NFKB1: variants seen among roughly 807,000 people sequenced by gnomAD.
The protein encoded by NFKB1 is nuclear factor NF-kappa-B p105 subunit.
In NFKB1, 9 loss-of-function variants were observed where a neutral mutation model predicts 105.1. The observed-to-expected ratio is 0.09, with a 90% CI of 0.05 to 0.15. The LOEUF is 0.15. NFKB1 is among the 10% of genes least tolerant of loss of function. The probability of loss-of-function intolerance (pLI) is 1.00; values close to 1 mark genes in which losing one functional copy is unlikely to be tolerated. For missense variants in NFKB1, 830 were observed against 1,203.7 expected, an observed-to-expected ratio of 0.69 and a Z score of 4.59; for synonymous variants, 440 against 442.2, an observed-to-expected ratio of 1.00 and a Z score of 0.06.
At chr4:102,541,088 G>A (rs1560655482) in intron 5 of NFKB1, among the ~76,000 whole-genome samples, 1 of 152,064 alleles carries the variant, frequency 6.6e-6, no homozygotes, top group African/African-American at 2.4e-5. Flanking sequence ...CTGTGTTGTG[G>A]GAGGCTGTCT....
intron 1 of NFKB1, among the ~76,000 whole-genome samples, chr4:102,517,249 C>T (rs1177737325): frequency 2.0e-5 from 3 of 152,146 alleles, no homozygotes; most frequent in African/African-American, 7.2e-5. Context: ...AAAGTGAGGG[C>T]GAATTTAGAA....
At chr4:102,613,623 C>G (rs1728655760) in intron 23 of NFKB1, 42 bp downstream of exon 23, 2 of 1,586,824 alleles carry the variant, frequency 1.3e-6, no homozygotes, top group Non-Finnish European at 1.7e-6. Flanking sequence ...TTTTCCAGCT[C>G]CCCCAGGCTG....
intron 6 of NFKB1, among the ~76,000 whole-genome samples, chr4:102,571,321 C>T (rs1188019444): frequency 1.3e-5 from 2 of 152,136 alleles, no homozygotes; most frequent in Admixed American, 1.3e-4. Flanking sequence ...ACACCTTATA[C>T]AAAAATTAAT....
chr4:102,591,411 C>A lies in NFKB1; in HGVS notation c.1067-2014C>A, dbSNP rs867596766. Among the ~76,000 whole-genome samples the A allele has an allele frequency of 6.1e-4, 81 of 132,474 alleles. 1 individual carries two copies. The Middle Eastern group carries it at 0.032, about 52-fold the overall frequency. 86.9% of individuals were successfully genotyped at this position (132,474 alleles called of 152,430 possible). A position where few individuals can be genotyped will look rare whatever the true frequency, so the allele number is the denominator to read the frequency against. On this transcript the variant is annotated intron_variant, in intron 11 of 23. Coordinates refer to ENST00000226574, the MANE Select transcript of NFKB1 (RefSeq NM_003998.4). ...CTCCAGCCTGGGCAACAGAGTGAGA[C>A]CCTGGCTCAAAAAAAAAAAAAAAAA... is the stretch of plus-strand genomic sequence containing the variant.
At chr4:102,529,777 A>T (rs1741161354) in intron 2 of NFKB1, 59 bp from the exon 3 acceptor site, 8 of 1,331,008 alleles carry the variant, frequency 6.0e-6, no homozygotes, top group Non-Finnish European at 8.3e-6. Flanking sequence ...CCAACTTCAA[A>T]TTTTTCATAT....
At chr4:102,518,135 A>G (rs1173438082) in intron 1 of NFKB1, among the ~76,000 whole-genome samples, 2 of 152,192 alleles carry the variant, frequency 1.3e-5, no homozygotes, top group Non-Finnish European at 2.9e-5. Flanking sequence ...TTGACTAGAT[A>G]TGTGTGAAAA....
At chr4:102,600,239 G>A (rs2149212413) in intron 15 of NFKB1, among the ~76,000 whole-genome samples, 1 of 152,334 alleles carries the variant, frequency 6.6e-6, no homozygotes, top group African/African-American at 2.4e-5. Context: ...CAGAAGAAAG[G>A]AGCAAAAACA....
intron 20 of NFKB1, 105 bp downstream of exon 20, chr4:102,610,804 C>G: frequency 1.5e-6 from 2 of 1,341,528 alleles, no homozygotes; most frequent in South Asian, 1.5e-5. Context: ...AAAGAACATG[C>G]CTTTTATTTT....
chr4:102,586,220 T>G (rs1006495115), intron 11 of NFKB1, among the ~76,000 whole-genome samples: 1 of 152,034 alleles, frequency 6.6e-6, no homozygotes, highest in Non-Finnish European at 1.5e-5. Flanking sequence ...TGTGATACAG[T>G]GATACTGTCA....
intron 6 of NFKB1, among the ~76,000 whole-genome samples, chr4:102,568,367 C>T (rs957103259): frequency 3.3e-5 from 5 of 152,022 alleles, no homozygotes; most frequent in African/African-American, 1.2e-4. Context: ...GAACTTGTTT[C>T]AACATCCTCT....
At chr4:102,531,490 T>TA (rs1444910674) in intron 3 of NFKB1, among the ~76,000 whole-genome samples, 3 of 152,196 alleles carry the variant, frequency 2.0e-5, no homozygotes, top group Admixed American at 6.5e-5. Context: ...CTTGTAACTC[T>TA]AAAATGGATT....
At chr4:102,517,798 T>C (rs561081727) in intron 1 of NFKB1, among the ~76,000 whole-genome samples, 2 of 152,340 alleles carry the variant, frequency 1.3e-5, no homozygotes, top group South Asian at 4.1e-4. Flanking sequence ...ATGTACAAGA[T>C]GGAAATGAGC....
At chr4:102,547,290 T>C (rs1366226398) in intron 5 of NFKB1, among the ~76,000 whole-genome samples, 1 of 152,120 alleles carries the variant, frequency 6.6e-6, no homozygotes, top group African/African-American at 2.4e-5. Flanking sequence ...ACATGGATAA[T>C]TTGAAAGAAA....
chr4:102,616,509 C>T lies in NFKB1; in HGVS notation c.2825C>T (p.Ser942Phe). Residue 942 changes from serine to phenylalanine, a missense_variant, in exon 24 of 24, where the codon TCT (serine) becomes TTT (phenylalanine). By Grantham distance (155) the Ser-to-Phe change is radical. This residue lies in a region of NFKB1 where 418 missense variants were observed against 575.3 expected (regional missense o/e 0.73). Transcript: ENST00000226574. Reference sequence around the variant, plus strand: ...TTCCGCAAACTCAGCTTTACCGAGTCTCTGACCAGTGGTGCCTCACTGCTA... The same window carrying T: ...TTCCGCAAACTCAGCTTTACCGAGTTTCTGACCAGTGGTGCCTCACTGCTA... ...TSFRKLSFTE[S>F]LTSGASLLTL... The T allele has an allele frequency of 6.2e-7, 1 of 1,614,140 alleles. No homozygotes were observed. The highest frequency in any genetic ancestry group is 8.5e-7 in the Non-Finnish European group (1 of 1,180,020).
chr4:102,610,692 G>C lies in NFKB1; in HGVS notation c.2345G>C (p.Ser782Thr). ...PGTTPLDMAT[S>T]WQVFDILNGK... is the part of the protein sequence containing the mutation. ...ACCACGCCTCTAGATATGGCCACCA[G>C]CTGGCAGGTGAGTGCCGCTCCATCT... The change falls in exon 20 of 24, where the codon AGC becomes ACC. Residue 782 changes from serine (S) to threonine (T), a missense_variant. Physicochemically the swap from Ser to Thr is moderately conservative, Grantham distance 58 (BLOSUM62 1). Around this residue, in one of 8 missense-constraint regions of NFKB1, gnomAD observed 418 missense variants for 575.3 expected, o/e 0.73. Coordinates refer to ENST00000226574, the MANE Select transcript of NFKB1 (RefSeq NM_003998.4). 6.2e-7 allele frequency: 1 copy of C among 1,614,000 alleles called. No individual in the cohort carries two copies. Among genetic ancestry groups the C allele is most frequent in the Non-Finnish European group, 8.5e-7 (1 of 1,179,890 alleles).
rs755571755 is a variant in NFKB1 at position 102,578,835 on chromosome 4, G to A, written c.572-46G>A. ...TTTATAAAAGCATGGTCTTTTAAAT[G>A]TTCACACTTCCCTGGGCATGAATGG... On this transcript the variant is annotated intron_variant, in intron 7 of 23. Transcript: ENST00000226574. 3 of 1,574,292 alleles carry A rather than the reference G, an allele frequency of 1.9e-6. No homozygotes were observed. The African/African-American group carries it at 4.1e-5, about 21-fold the overall frequency.
chr4:102,503,311 T>C (rs536091579), intron 1 of NFKB1: 1 of 152,042 alleles, frequency 6.6e-6, no homozygotes, highest in South Asian at 2.1e-4. Flanking sequence ...TTGATACACC[T>C]GCAATTCCTA....
At chr4:102,597,791 A>C in intron 15 of NFKB1, 130 bp downstream of exon 15, 3 of 1,112,734 alleles carry the variant, frequency 2.7e-6, no homozygotes, top group Non-Finnish European at 3.8e-6. Context: ...ATGATGAAGA[A>C]AAATAATGTG....
At chr4:102,582,115 C>T (rs1159355281) in intron 9 of NFKB1, among the ~76,000 whole-genome samples, 1 of 152,148 alleles carries the variant, frequency 6.6e-6, no homozygotes, top group African/African-American at 2.4e-5. Context: ...TATAAACACA[C>T]TCCATGACTA....
Sources: gnomAD v4.1 joint callset for allele counts (sites outside exome capture counted in the v4.1 genomes callset) on GRCh38, gnomAD v4.1.1 for gene constraint, gnomAD v4.1.1 regional missense constraint, MANE v1.5 for transcripts, NCBI Gene and HGNC (gene_info 2026-07-23, HGNC 2026-07-21) for gene names.